The following MBNL2 variants were observed in gnomAD, a reference collection of about 807,000 sequenced individuals.
MBNL2 encodes the protein muscleblind like splicing regulator 2.
In MBNL2, 17 loss-of-function variants were observed where a neutral mutation model predicts 41.9. The observed-to-expected ratio is 0.41, with a 90% CI of 0.28 to 0.61. The LOEUF (loss-of-function observed/expected upper bound fraction) is 0.61, where lower values mean the gene tolerates loss of function less well. Among genes scored for constraint, MBNL2 ranks in the 20% least tolerant of loss-of-function variants. MBNL2 has a pLI of 0.35. For synonymous variants in MBNL2, 195 were observed against 182.9 expected (o/e 1.07, Z -0.53); for missense variants, 336 against 505.6 (o/e 0.66, Z 3.22).
chr13:97,394,065 A>G lies in MBNL2; in HGVS notation c.*2616A>G, dbSNP rs1594310202. ...ATCAATACTATGTTTTGGTTGTAAT[A>G]TTCAGTTCACTCACCCAATGTACAA... is the stretch of plus-strand genomic sequence containing the variant. On this transcript the variant is annotated 3_prime_UTR_variant, in exon 9 of 9. Transcript: ENST00000679496. The G allele has an allele frequency of 6.5e-6, 1 of 152,754 alleles. No individual in the cohort carries two copies. The highest frequency in any genetic ancestry group is 1.5e-5 in the Non-Finnish European group (1 of 68,014). 9.5% of individuals were successfully genotyped at this position (152,754 alleles called of 1,614,324 possible). A position where few individuals can be genotyped will look rare whatever the true frequency, so the allele number is the denominator to read the frequency against.
intron 1 of MBNL2, among the ~76,000 whole-genome samples, chr13:97,244,090 C>T (rs945129235): frequency 1.3e-5 from 2 of 152,146 alleles, no homozygotes; most frequent in Non-Finnish European, 2.9e-5. Flanking sequence ...TCTCATGTAA[C>T]AACGAATAAT....
chr13:97,193,213 C>T, the MBNL2 span, among the ~76,000 whole-genome samples: 695 of 152,350 alleles, frequency 4.6e-3, 4 homozygotes, highest in Non-Finnish European at 8.0e-3. Flanking sequence ...CAGTTCCGCT[C>T]TCCCCAGCGG....
chr13:97,212,313 C>T, the MBNL2 span, among the ~76,000 whole-genome samples: 6 of 152,080 alleles, frequency 3.9e-5, no homozygotes, highest in Non-Finnish European at 7.4e-5. Flanking sequence ...AACACACTCC[C>T]TCACCCCTAC....
chr13:97,380,522 C>A (rs922324854), intron 8 of MBNL2, among the ~76,000 whole-genome samples: 1 of 151,726 alleles, frequency 6.6e-6, no homozygotes, highest in African/African-American at 2.4e-5. Flanking sequence ...AAAAAAACCA[C>A]ACCCACCTTG....
chr13:97,271,368 A>G (rs1285724382), intron 1 of MBNL2, among the ~76,000 whole-genome samples: 1 of 151,956 alleles, frequency 6.6e-6, no homozygotes, highest in African/African-American at 2.4e-5. Context: ...TTGGCCTCCC[A>G]AAGTGCTAGG....
intron 2 of MBNL2, among the ~76,000 whole-genome samples, chr13:97,324,934 G>A (rs886108758): frequency 3.3e-5 from 5 of 152,100 alleles, no homozygotes; most frequent in African/African-American, 4.8e-5. Flanking sequence ...GCTGGCAGCC[G>A]ATTAGATGGT....
intron 3 of MBNL2, among the ~76,000 whole-genome samples, chr13:97,342,278 T>G (rs932513799): frequency 3.5e-4 from 53 of 152,168 alleles, no homozygotes; most frequent in African/African-American, 1.3e-3. Context: ...GAGAACAAAT[T>G]TAATAAGATT....
intron 2 of MBNL2, among the ~76,000 whole-genome samples, chr13:97,314,055 C>G (rs1442535993): frequency 6.6e-6 from 1 of 152,108 alleles, no homozygotes; most frequent in African/African-American, 2.4e-5. Context: ...GAGTAAAAGC[C>G]AAAGACCTTA....
chr13:97,154,792 A>AGGATGGATGGATGGATGGAT, the MBNL2 span, among the ~76,000 whole-genome samples: 3 of 146,168 alleles, frequency 2.1e-5, no homozygotes, highest in Admixed American at 6.9e-5. Flanking sequence ...AAATGGTATA[A>AGGATGGATGGATGGATGGAT]GGATGGATGG....
At position 97,337,106 on chromosome 13, in the gene MBNL2, T is replaced by TGAG. The variant is rs1011201180; in HGVS notation, c.339+2668_339+2670dup. On this transcript the variant is annotated intron_variant, in intron 3 of 8. Transcript: ENST00000679496. ...GGCCTATGGGGAGGCGACTAGATCC[T>TGAG]GAGGGTGGAGCCCTCATGAATGGAA... 1.3e-4 allele frequency among the ~76,000 whole-genome samples: 20 copies of TGAG among 152,146 alleles called. 1 individual carries two copies. The highest frequency in any genetic ancestry group is 4.8e-4 in the African/African-American group (20 of 41,426).
Position 97,255,767 on chromosome 13 carries a change from G to A in MBNL2, c.-604-19865G>A, listed in dbSNP as rs145827690. On this transcript the variant is annotated intron_variant, in intron 1 of 8. Transcript: ENST00000679496. Reference sequence around the variant, plus strand: ...CTGTGTTTAGATATAACACAGGAAGGGGAGGGCTGAGCCAATTATCCGTGA... The same window carrying A: ...CTGTGTTTAGATATAACACAGGAAGAGGAGGGCTGAGCCAATTATCCGTGA... 4.1e-3 allele frequency among the ~76,000 whole-genome samples: 628 copies of A among 152,306 alleles called. 6 individuals are homozygous for A. Among genetic ancestry groups the A allele is most frequent in the African/African-American group, 0.014 (586 of 41,550 alleles).
At chr13:97,221,241 AATC>A (rs1435572861), upstream of MBNL2, among the ~76,000 whole-genome samples, 2 of 152,192 alleles carry the variant, frequency 1.3e-5, no homozygotes, top group Non-Finnish European at 2.9e-5. Flanking sequence ...CTCATCATGT[AATC>A]ATCATACTTT....
intron 8 of MBNL2, among the ~76,000 whole-genome samples, chr13:97,368,030 GTTTC>G (rs1306261122): frequency 1.3e-5 from 2 of 152,156 alleles, no homozygotes; most frequent in Non-Finnish European, 2.9e-5. Flanking sequence ...CTGGATACCT[GTTTC>G]TTTCAAGTCT....
At position 97,346,164 on chromosome 13, in the gene MBNL2, AGAT is replaced by A. The variant is rs1380402365; in HGVS notation, c.541-636_541-634del. Among the ~76,000 whole-genome samples the A allele has an allele frequency of 1.3e-5, 2 of 152,168 alleles. No homozygotes were observed. The highest frequency in any genetic ancestry group is 2.9e-5 in the Non-Finnish European group (2 of 68,024). Reference sequence around the variant, plus strand: ...ATAGATAGATGGTAGGTAGGTAGATAGATGATAGATAATATTAGGTTGGTGCAA... The same window carrying A: ...ATAGATAGATGGTAGGTAGGTAGATAGATAGATAATATTAGGTTGGTGCAA... On this transcript the variant is annotated intron_variant, in intron 4 of 8. Coordinates refer to ENST00000679496, the MANE Select transcript of MBNL2 (RefSeq NM_001382683.1). The surrounding 1 kb of genome is among the most constrained non-coding windows in gnomAD (Gnocchi z 4.2).
At chr13:97,202,565 T>C in the MBNL2 span, among the ~76,000 whole-genome samples, 2 of 152,180 alleles carry the variant, frequency 1.3e-5, no homozygotes, top group Admixed American at 6.5e-5. Flanking sequence ...CATTGATGCC[T>C]TATCTCCATG....
intron 1 of MBNL2, among the ~76,000 whole-genome samples, chr13:97,237,199 C>T (rs1003239152): frequency 2.0e-5 from 3 of 152,136 alleles, no homozygotes; most frequent in Non-Finnish European, 4.4e-5. Context: ...TTTCTTGTGC[C>T]CACCTCTCAG....
chr13:97,311,628 A>T (rs966141531), intron 2 of MBNL2, among the ~76,000 whole-genome samples: 2 of 151,268 alleles, frequency 1.3e-5, no homozygotes, highest in Admixed American at 6.6e-5. Context: ...TTCTTGAGAT[A>T]GCGTTGGATT....
chr13:97,306,279 A>T (rs1260904544), intron 2 of MBNL2, among the ~76,000 whole-genome samples: 1 of 152,188 alleles, frequency 6.6e-6, no homozygotes, highest in Admixed American at 6.5e-5. Flanking sequence ...TCAATACTCC[A>T]CCAACTGCCC....
chr13:97,189,173 C>G, the MBNL2 span, among the ~76,000 whole-genome samples: 1 of 152,114 alleles, frequency 6.6e-6, no homozygotes, highest in Non-Finnish European at 1.5e-5. Context: ...GGATTATAGG[C>G]GTTAGCCACT....
Sources: allele counts gnomAD v4.1 joint callset (sites outside exome capture counted in the v4.1 genomes callset), GRCh38; gene constraint gnomAD v4.1.1; non-coding constraint Gnocchi (gnomAD v3.1); transcripts MANE v1.5; gene names NCBI Gene and HGNC (gene_info 2026-07-23, HGNC 2026-07-21).